The following RBPJ variants were observed in gnomAD, a reference collection of about 807,000 sequenced individuals.
RBPJ encodes recombination signal binding protein for immunoglobulin kappa J region.
A neutral mutation model predicts 67.8 loss-of-function variants in RBPJ; 9 were observed. That is an observed-to-expected ratio of 0.13 (90% CI 0.08 to 0.23). The LOEUF (loss-of-function observed/expected upper bound fraction) is 0.23, where lower values mean the gene tolerates loss of function less well. Ranked by LOEUF, RBPJ falls within the 10% of genes least tolerant of loss-of-function variation. The probability of loss-of-function intolerance (pLI) is 1.00; values close to 1 mark genes in which losing one functional copy is unlikely to be tolerated. For synonymous variants in RBPJ, 198 were observed against 203.3 expected (o/e 0.97, Z 0.22); for missense variants, 305 against 595.6 (o/e 0.51, Z 5.08).
chr4:26,293,798 C>A (rs888177574), intron 1 of RBPJ, among the ~76,000 whole-genome samples: 1 of 152,148 alleles, frequency 6.6e-6, no homozygotes, highest in Non-Finnish European at 1.5e-5. Context: ...CGATTTGTCA[C>A]CAAGGCTGGA....
intron 1 of RBPJ, among the ~76,000 whole-genome samples, chr4:26,305,976 G>A (rs1722225696): frequency 6.6e-6 from 1 of 150,886 alleles, no homozygotes; most frequent in Non-Finnish European, 1.5e-5. Context: ...AGTACAGATG[G>A]GGTTTCACCA....
chr4:26,275,506 T>C (rs1721049375), intron 1 of RBPJ, among the ~76,000 whole-genome samples: 1 of 152,314 alleles, frequency 6.6e-6, no homozygotes, highest in African/African-American at 2.4e-5. Flanking sequence ...AGGGGGACTA[T>C]GTGACTCGGG....
chr4:26,216,484 AG>A (rs1293975280), intron 1 of RBPJ, among the ~76,000 whole-genome samples: 1 of 152,064 alleles, frequency 6.6e-6, no homozygotes, highest in Non-Finnish European at 1.5e-5. Flanking sequence ...GGAACATCCG[AG>A]GATTTCCACC....
chr4:26,342,996 A>G (rs1725703177), intron 1 of RBPJ: 1 of 152,188 alleles, frequency 6.6e-6, no homozygotes, highest in African/African-American at 2.4e-5. Context: ...TGTCATTTTA[A>G]AGTCTCTGCT....
chr4:26,314,109 C>T (rs1274517991), intron 1 of RBPJ, among the ~76,000 whole-genome samples: 1 of 152,126 alleles, frequency 6.6e-6, no homozygotes, highest in Non-Finnish European at 1.5e-5. Flanking sequence ...CTTCCAGAGA[C>T]ATTTTAGACA....
At chr4:26,343,739 CTTTTTTTTTTTTTTT>C (rs71186404) in intron 1 of RBPJ, among the ~76,000 whole-genome samples, 2 of 55,834 alleles carry the variant, frequency 3.6e-5, no homozygotes, top group African/African-American at 1.7e-4. Context: ...TTTCTTTCTT[CTTTTTTTTTTTTTTT>C]TTTTTTTTTT....
At chr4:26,319,744 G>C (rs563585011), upstream of RBPJ, 3 of 901,288 alleles carry the variant, frequency 3.3e-6, no homozygotes, top group African/African-American at 4.9e-5. Context: ...CGCGCGGGCC[G>C]CGCCAATCCT....
chr4:26,284,530 G>A (rs538221810), intron 1 of RBPJ, among the ~76,000 whole-genome samples: 5 of 151,296 alleles, frequency 3.3e-5, no homozygotes, highest in Non-Finnish European at 5.9e-5. Context: ...GTGCTGTGGC[G>A]TGATCTCAGC....
chr4:26,160,111 G>T (rs960773701), upstream of RBPJ, among the ~76,000 whole-genome samples: 1 of 152,090 alleles, frequency 6.6e-6, no homozygotes, highest in Non-Finnish European at 1.5e-5. Flanking sequence ...GTAGAAATGG[G>T]GTTTCACCGT....
At chr4:26,207,628 G>A (rs914801179) in intron 1 of RBPJ, among the ~76,000 whole-genome samples, 1 of 152,208 alleles carries the variant, frequency 6.6e-6, no homozygotes, top group Non-Finnish European at 1.5e-5. Flanking sequence ...CTCTCGTTTA[G>A]GCACTTGGGG....
chr4:26,342,744 T>C (rs1203516382), intron 1 of RBPJ, among the ~76,000 whole-genome samples: 1 of 152,238 alleles, frequency 6.6e-6, no homozygotes, highest in Non-Finnish European at 1.5e-5. Flanking sequence ...AGGTTGCTAG[T>C]CATGAAACAC....
Position 26,416,842 on chromosome 4 carries a change from A to G in RBPJ, c.321+1202A>G, listed in dbSNP as rs187212214. Among the ~76,000 whole-genome samples, 35 of 152,120 alleles carry G rather than the reference A, an allele frequency of 2.3e-4. 1 individual carries two copies. Among genetic ancestry groups the G allele is most frequent in the African/African-American group, 7.5e-4 (31 of 41,508 alleles). On this transcript the variant is annotated intron_variant, in intron 4 of 10. Transcript: ENST00000355476. Reference sequence around the variant, plus strand: ...GATAGTACTACAGGTCTTAATGTCAACCTCCTTCAAATTTAGCTGTTTGTA... The same window carrying G: ...GATAGTACTACAGGTCTTAATGTCAGCCTCCTTCAAATTTAGCTGTTTGTA...
intron 1 of RBPJ, among the ~76,000 whole-genome samples, chr4:26,180,037 T>C (rs941660765): frequency 6.6e-6 from 1 of 152,092 alleles, no homozygotes; most frequent in East Asian, 1.9e-4. Context: ...GTGGATGGAA[T>C]TGGAGTCAAT....
At chr4:26,239,430 G>A (rs904587500) in intron 1 of RBPJ, among the ~76,000 whole-genome samples, 8 of 152,210 alleles carry the variant, frequency 5.3e-5, no homozygotes, top group Non-Finnish European at 1.0e-4. Flanking sequence ...CAGCACAAAT[G>A]TCAATGGTAG....
chr4:26,180,216 A>C (rs1240689359), intron 1 of RBPJ, among the ~76,000 whole-genome samples: 1 of 151,998 alleles, frequency 6.6e-6, no homozygotes, highest in African/African-American at 2.4e-5. Context: ...GAAAGTAACT[A>C]TTGGGTACTA....
upstream of RBPJ, among the ~76,000 whole-genome samples, chr4:26,161,858 G>A (rs1325660575): frequency 2.0e-5 from 3 of 152,164 alleles, no homozygotes; most frequent in South Asian, 2.1e-4. Context: ...TGACCGTCAC[G>A]ACAACATCTC....
At chr4:26,327,825 A>G (rs1267911262) in intron 1 of RBPJ, among the ~76,000 whole-genome samples, 2 of 152,248 alleles carry the variant, frequency 1.3e-5, no homozygotes, top group African/African-American at 4.8e-5. Flanking sequence ...AGCCTGGGTG[A>G]CAGAGAAAGA....
At chr4:26,286,788 CTTTT>C (rs755346375) in intron 1 of RBPJ, among the ~76,000 whole-genome samples, 2 of 134,912 alleles carry the variant, frequency 1.5e-5, no homozygotes, top group Non-Finnish European at 3.2e-5. Context: ...AGTAAAACCT[CTTTT>C]TTTTTTTTTT....
intron 2 of RBPJ, among the ~76,000 whole-genome samples, chr4:26,387,439 A>C (rs1192839784): frequency 1.3e-5 from 2 of 152,186 alleles, no homozygotes; most frequent in African/African-American, 4.8e-5. Flanking sequence ...ATAATTAATA[A>C]ATGGGGCAAA....
Sources: allele counts gnomAD v4.1 joint callset (sites outside exome capture counted in the v4.1 genomes callset), GRCh38; gene constraint gnomAD v4.1.1; transcripts MANE v1.5; gene names NCBI Gene and HGNC (gene_info 2026-07-23, HGNC 2026-07-21).